MARF1: variants seen among roughly 807,000 people sequenced by gnomAD.
MARF1 encodes meiosis regulator and mRNA stability factor 1.
Under a neutral mutation model 168.2 loss-of-function variants are expected in MARF1, and 24 were observed. The observed-to-expected ratio is 0.14, with a 90% CI of 0.10 to 0.20. The LOEUF is 0.20. Among genes scored for constraint, MARF1 ranks in the 10% least tolerant of loss-of-function variants. The pLI, the probability that MARF1 is intolerant of heterozygous loss-of-function variation, is 1.00. For synonymous variants in MARF1, 868 were observed against 822.4 expected, an observed-to-expected ratio of 1.06 and a Z score of -0.95; for missense variants, 1,744 against 2,143.6, an observed-to-expected ratio of 0.81 and a Z score of 3.68.
At chr16:15,641,758 G>A (rs1482656109) in intron 1 of MARF1, among the ~76,000 whole-genome samples, 1 of 152,172 alleles carries the variant, frequency 6.6e-6, no homozygotes, top group African/African-American at 2.4e-5. Flanking sequence ...ACAAGATTAG[G>A]CTTGTTCACC....
chr16:15,641,967 G>A (rs1025644302), intron 1 of MARF1, among the ~76,000 whole-genome samples: 3 of 152,180 alleles, frequency 2.0e-5, no homozygotes, highest in South Asian at 2.1e-4. Context: ...AATTCAATGA[G>A]GAGAGCATAG....
At position 15,636,306 on chromosome 16, in the gene MARF1, G is replaced by A. The variant is rs1240840385; in HGVS notation, c.181C>T (p.Leu61=). The change falls in exon 3 of 27, where the codon CTA becomes TTA. Residue 61 remains leucine (L), a synonymous_variant. Transcript: ENST00000396368. ...YMENKKVAVE[L]KDVPSPLHAG... is the part of the protein sequence containing the mutation. ...TGAAGGGGTGATGGTACATCCTTTAGTTCCACAGCAACTTTCTTGTTCTCC... is the reference window on the plus strand; with the variant it reads ...TGAAGGGGTGATGGTACATCCTTTAATTCCACAGCAACTTTCTTGTTCTCC... 4 of 1,576,804 alleles carry A rather than the reference G, an allele frequency of 2.5e-6. No homozygotes were observed. The highest frequency in any genetic ancestry group is 8.6e-7 in the Non-Finnish European group (1 of 1,160,424).
chr16:15,595,079 A>T lies in MARF1; in HGVS notation c.*1614T>A, dbSNP rs1427267891. 2 of 152,670 alleles carry T rather than the reference A, an allele frequency of 1.3e-5. No homozygotes were observed. Among genetic ancestry groups the T allele is most frequent in the Non-Finnish European group, 2.9e-5 (2 of 68,050 alleles). 9.5% of individuals were successfully genotyped at this position (152,670 alleles called of 1,614,324 possible). A position where few individuals can be genotyped will look rare whatever the true frequency, so the allele number is the denominator to read the frequency against. On this transcript the variant is annotated 3_prime_UTR_variant, in exon 27 of 27. Transcript: ENST00000396368. ...TTTGTTTAAAAGCTCCTTTAAAAAA[A>T]ATTGCACATTTGCATTTCACTTCCT...
chr16:15,633,502 C>A, intron 5 of MARF1, 115 bp downstream of exon 5: 1 of 745,466 alleles, frequency 1.3e-6, no homozygotes, highest in Non-Finnish European at 2.1e-6. Context: ...GCCATGAATG[C>A]GTCACTGCAC....
In MARF1 at chr16:15,633,856, T is replaced by C. The variant is rs1375119003; in HGVS notation, c.1007-13A>G. 3 of 1,580,766 alleles carry C rather than the reference T, an allele frequency of 1.9e-6. No homozygotes were observed. Among genetic ancestry groups the C allele is most frequent in the African/African-American group, 2.7e-5 (2 of 73,670 alleles). ...ACTTCTGGTGACCCTTAAGAAATGT[T>C]AACATTTTCAATTACTTGTAGTGGA... is the stretch of plus-strand genomic sequence containing the variant. On this transcript the variant is annotated splice_polypyrimidine_tract_variant and intron_variant, in intron 4 of 26. Transcript: ENST00000396368.
intron 2 of MARF1, among the ~76,000 whole-genome samples, chr16:15,637,302 T>C (rs935624947): frequency 6.6e-6 from 1 of 152,190 alleles, no homozygotes; most frequent in African/African-American, 2.4e-5. Flanking sequence ...GACATTAAGA[T>C]GAAGAGGGGG....
At chr16:15,600,887 C>A (rs942086620) in intron 23 of MARF1, 186 bp from the exon 24 acceptor site, 2 of 718,574 alleles carry the variant, frequency 2.8e-6, no homozygotes, top group Middle Eastern at 2.6e-4. Flanking sequence ...CAGAAACATA[C>A]CCCTATAAAA....
At chr16:15,621,654 G>C in intron 12 of MARF1, 79 bp downstream of exon 12, 2 of 1,357,884 alleles carry the variant, frequency 1.5e-6, no homozygotes, top group African/African-American at 1.4e-5. Flanking sequence ...GAATGTGATT[G>C]AATCTATTTT....
At chr16:15,615,602 C>T (rs572836506) in intron 16 of MARF1, among the ~76,000 whole-genome samples, 7 of 152,042 alleles carry the variant, frequency 4.6e-5, no homozygotes, top group African/African-American at 1.7e-4. Flanking sequence ...TCCAGCTAGG[C>T]GACAGAGCAA....
chr16:15,596,835 A>G lies in MARF1; in HGVS notation c.5087T>C (p.Val1696Ala), dbSNP rs1468742942. 6.2e-7 allele frequency: 1 copy of G among 1,614,084 alleles called. No homozygotes were observed. Among genetic ancestry groups the G allele is most frequent in the South Asian group, 1.1e-5 (1 of 91,080 alleles). Residue 1696 changes from valine (V) to alanine (A), a missense_variant, in exon 27 of 27, where the codon GTC (valine) becomes GCC (alanine). Physicochemically the swap from Val to Ala is moderately conservative, Grantham distance 64 (BLOSUM62 0). Coordinates refer to ENST00000396368, the MANE Select transcript of MARF1 (RefSeq NM_014647.4). The part of the protein sequence containing the change: ...DSSSSCISAA[V>A]PVPPCPSSET... ...CGAGGAGGGGCAGGGAGGCACGGGG[A>G]CAGCTGCTGAGATGCAGGACGAGCT...
In MARF1 at chr16:15,602,121, T is replaced by C; in HGVS notation, c.4496A>G (p.His1499Arg). 1 of 1,614,166 alleles carries C rather than the reference T, an allele frequency of 6.2e-7. No individual in the cohort carries two copies. Among genetic ancestry groups the C allele is most frequent in the South Asian group, 1.1e-5 (1 of 91,086 alleles). ...GAAAATCTGCTGGTAGTGGTAAGTATGAAGTAAAGACCGCACATTCTTTGC... is the reference window on the plus strand; with the variant it reads ...GAAAATCTGCTGGTAGTGGTAAGTACGAAGTAAAGACCGCACATTCTTTGC... The part of the protein sequence containing the change: ...LFAKNVRSLL[H>R]TYHYQQIFLH... Residue 1499 changes from histidine to arginine, a missense_variant, in exon 23 of 27, where the codon CAT becomes CGT. Coordinates refer to ENST00000396368, the MANE Select transcript of MARF1 (RefSeq NM_014647.4).
rs972522077 is a variant in MARF1 at position 15,595,355 on chromosome 16, C to A, written c.*1338G>T. The A allele has an allele frequency of 1.3e-5, 2 of 152,648 alleles. No individual in the cohort carries two copies. The highest frequency in any genetic ancestry group is 2.9e-5 in the Non-Finnish European group (2 of 68,016). The allele number at this position is 152,648 out of a possible 1,614,324, so 9.5% of individuals were successfully genotyped here. On this transcript the variant is annotated 3_prime_UTR_variant, in exon 27 of 27. Transcript: ENST00000396368. ...CCATTTTCTGGCTTTCTAGAAGTTA[C>A]CAAATATAAACATTTCCCCAAAAGA...
At chr16:15,623,203 A>C in intron 10 of MARF1, 80 bp from the exon 11 acceptor site, 3 of 1,105,280 alleles carry the variant, frequency 2.7e-6, no homozygotes, top group Non-Finnish European at 3.7e-6. Context: ...CTTTGTTTGA[A>C]ACTATATACA....
In MARF1 at chr16:15,595,832, G is replaced by A. The variant is rs942175314; in HGVS notation, c.*861C>T. The A allele has an allele frequency of 6.6e-6, 1 of 152,190 alleles. No individual in the cohort carries two copies. Among genetic ancestry groups the A allele is most frequent in the African/African-American group, 2.4e-5 (1 of 41,442 alleles). 9.4% of individuals were successfully genotyped at this position (152,190 alleles called of 1,614,324 possible). On this transcript the variant is annotated 3_prime_UTR_variant, in exon 27 of 27. Coordinates refer to ENST00000396368, the MANE Select transcript of MARF1 (RefSeq NM_014647.4). ...GCTCTGATTTGTAATTTATGCACTT[G>A]ATGCATATTTTAGAAAATCAGGCTC...
At chr16:15,596,983 G>C in intron 26 of MARF1, 46 bp from the exon 27 acceptor site, 1 of 1,540,866 alleles carries the variant, frequency 6.5e-7, no homozygotes, top group East Asian at 2.3e-5. Flanking sequence ...GGAACTGTAA[G>C]AAGTGTGGGT....
Position 15,636,167 on chromosome 16 carries a change from T to C in MARF1, c.320A>G (p.Asn107Ser). Residue 107 changes from asparagine (N) to serine (S), a missense_variant, in exon 3 of 27, where the codon AAT becomes AGT. Coordinates refer to ENST00000396368, the MANE Select transcript of MARF1 (RefSeq NM_014647.4). The part of the protein sequence containing the change: ...PKVSCCAHCP[N>S]EPSTSPMRFG... ...ACGCATTGGCGAAGTGGAGGGTTCA[T>C]TAGGGCAATGAGCACAGCAGCTTAC... 1 of 1,614,236 alleles carries C rather than the reference T, an allele frequency of 6.2e-7. No homozygotes were observed. The highest frequency in any genetic ancestry group is 8.5e-7 in the Non-Finnish European group (1 of 1,180,040).
At chr16:15,621,039 T>G (rs1567562420) in intron 12 of MARF1, among the ~76,000 whole-genome samples, 1 of 152,160 alleles carries the variant, frequency 6.6e-6, no homozygotes, top group Non-Finnish European at 1.5e-5. Context: ...TTCCCCTGCT[T>G]CTTTTATGTT....
At chr16:15,623,737 T>G (rs539645593) in intron 10 of MARF1, among the ~76,000 whole-genome samples, 2 of 152,312 alleles carry the variant, frequency 1.3e-5, no homozygotes, top group East Asian at 3.9e-4. Context: ...CCTTCTGCTT[T>G]GTGCATTATC....
Position 15,596,567 on chromosome 16 carries a change from G to A in MARF1, c.*126C>T. The stretch of plus-strand genomic sequence containing the variant: ...GAAAAGAAAAACATGATAGAACACA[G>A]GTAAGATGAAGTCAATGGCTTCGGG... On this transcript the variant is annotated 3_prime_UTR_variant, in exon 27 of 27. Transcript: ENST00000396368. The A allele has an allele frequency of 1.1e-6, 1 of 903,674 alleles. No individual in the cohort carries two copies. Among genetic ancestry groups the A allele is most frequent in the South Asian group, 2.6e-5 (1 of 38,914 alleles). The allele number at this position is 903,674 out of a possible 1,614,324, so 56.0% of individuals were successfully genotyped here.
Sources: allele counts gnomAD v4.1 joint callset (sites outside exome capture counted in the v4.1 genomes callset), GRCh38; gene constraint gnomAD v4.1.1; transcripts MANE v1.5; gene names NCBI Gene and HGNC (gene_info 2026-07-23, HGNC 2026-07-21).